Variants in C1QTNF3 observed in about 807,000 individuals in gnomAD.
C1QTNF3 encodes the protein complement C1q tumor necrosis factor-related protein 3.
In C1QTNF3, 26 loss-of-function variants were observed where a neutral mutation model predicts 32.6. The ratio of observed to expected loss-of-function variants is 0.80; its 90% CI spans 0.58 to 1.11. The LOEUF is 1.11. Among genes scored for constraint, C1QTNF3 ranks in the 50% least tolerant of loss-of-function variants. C1QTNF3 has a pLI of 0.00. For synonymous variants in C1QTNF3, 155 were observed against 146.0 expected, an observed-to-expected ratio of 1.06 and a Z score of -0.44; for missense variants, 362 against 398.2, an observed-to-expected ratio of 0.91 and a Z score of 0.77.
At chr5:34,169,041 T>C in the C1QTNF3 span, 1 of 152,122 alleles carries the variant, frequency 6.6e-6, no homozygotes, top group Non-Finnish European at 1.5e-5. Flanking sequence ...GGTTCCTTCC[T>C]TCATGAGAAG....
chr5:34,238,447 T>C, the C1QTNF3 span, among the ~76,000 whole-genome samples: 1 of 152,138 alleles, frequency 6.6e-6, no homozygotes, highest in African/African-American at 2.4e-5. Flanking sequence ...CCACACTGAA[T>C]TTCTAGAGCA....
the C1QTNF3 span, among the ~76,000 whole-genome samples, chr5:34,202,127 G>T: frequency 2.0e-5 from 3 of 152,122 alleles, no homozygotes; most frequent in African/African-American, 2.4e-5. Flanking sequence ...GGTCTAAGCT[G>T]CATTCATAAA....
the C1QTNF3 span, among the ~76,000 whole-genome samples, chr5:34,121,932 C>G: frequency 2.6e-5 from 4 of 152,170 alleles, no homozygotes; most frequent in Non-Finnish European, 5.9e-5. Flanking sequence ...GTTTATGAAC[C>G]AGCAAGTAGG....
chr5:34,191,796 A>G, the C1QTNF3 span: 28 of 707,338 alleles, frequency 4.0e-5, no homozygotes, highest in Middle Eastern at 3.0e-4. Flanking sequence ...CTGGGAAGAA[A>G]CACAGACCAC....
At chr5:34,059,335 C>T in the C1QTNF3 span, among the ~76,000 whole-genome samples, 1 of 152,132 alleles carries the variant, frequency 6.6e-6, no homozygotes, top group Non-Finnish European at 1.5e-5. Context: ...GATTATGGCC[C>T]ACCCTAACAG....
At chr5:34,156,656 T>G in the C1QTNF3 span, among the ~76,000 whole-genome samples, 7 of 152,182 alleles carry the variant, frequency 4.6e-5, no homozygotes, top group Admixed American at 6.5e-5. Flanking sequence ...AATATACATT[T>G]AAGACATATG....
the C1QTNF3 span, among the ~76,000 whole-genome samples, chr5:34,172,099 T>C: frequency 1.3e-5 from 2 of 152,184 alleles, no homozygotes; most frequent in East Asian, 1.9e-4. Flanking sequence ...ACTTAGGAAA[T>C]AGAGTAATCC....
the C1QTNF3 span, among the ~76,000 whole-genome samples, chr5:34,173,174 T>TA: frequency 6.6e-6 from 1 of 152,142 alleles, no homozygotes; most frequent in Non-Finnish European, 1.5e-5. Flanking sequence ...ACTCTTATGA[T>TA]AAAAAATATA....
the C1QTNF3 span, among the ~76,000 whole-genome samples, chr5:34,147,777 G>A: frequency 6.6e-6 from 1 of 152,140 alleles, no homozygotes; most frequent in African/African-American, 2.4e-5. Context: ...CAACAGATTC[G>A]TGTAACAGAC....
At chr5:34,166,699 TATG>T in the C1QTNF3 span, 8 of 152,192 alleles carry the variant, frequency 5.3e-5, no homozygotes, top group African/African-American at 1.7e-4. Flanking sequence ...TTCCATCTAC[TATG>T]ATTTTTCCAT....
At chr5:34,179,430 C>A in the C1QTNF3 span, among the ~76,000 whole-genome samples, 1 of 152,238 alleles carries the variant, frequency 6.6e-6, no homozygotes, top group African/African-American at 2.4e-5. Context: ...TGCAGTGAGC[C>A]GAAATCACGC....
the C1QTNF3 span, among the ~76,000 whole-genome samples, chr5:34,067,816 T>C: frequency 3.3e-5 from 5 of 152,220 alleles, no homozygotes; most frequent in African/African-American, 1.2e-4. Context: ...GGGAGCTAAA[T>C]ACATTAAACT....
the C1QTNF3 span, among the ~76,000 whole-genome samples, chr5:34,214,854 T>G: frequency 6.6e-6 from 1 of 152,188 alleles, no homozygotes; most frequent in African/African-American, 2.4e-5. Context: ...TACTGATAGC[T>G]GACAAGTATT....
At chr5:34,195,748 G>A in the C1QTNF3 span, among the ~76,000 whole-genome samples, 4 of 152,158 alleles carry the variant, frequency 2.6e-5, no homozygotes, top group Non-Finnish European at 4.4e-5. Context: ...GCTGACGCAG[G>A]AGAATGGCGT....
the C1QTNF3 span, among the ~76,000 whole-genome samples, chr5:34,211,152 A>T: frequency 8.6e-5 from 13 of 151,670 alleles, no homozygotes; most frequent in Admixed American, 5.9e-4. Context: ...TATGTACACA[A>T]AAATTTTCAG....
chr5:34,231,947 A>C, the C1QTNF3 span, among the ~76,000 whole-genome samples: 2 of 140,076 alleles, frequency 1.4e-5, no homozygotes, highest in African/African-American at 5.4e-5. Flanking sequence ...TGCCTGGAAA[A>C]GTCACAGGCA....
At chr5:34,095,688 T>C in the C1QTNF3 span, among the ~76,000 whole-genome samples, 1 of 151,844 alleles carries the variant, frequency 6.6e-6, no homozygotes, top group African/African-American at 2.4e-5. Flanking sequence ...CTTGAATGAC[T>C]GAATAAACTG....
chr5:34,070,705 T>C, the C1QTNF3 span, among the ~76,000 whole-genome samples: 1 of 151,944 alleles, frequency 6.6e-6, no homozygotes, highest in South Asian at 2.1e-4. Flanking sequence ...TGAGGTTACT[T>C]GTTAAGTGAT....
the C1QTNF3 span, among the ~76,000 whole-genome samples, chr5:34,145,506 A>T: frequency 6.6e-6 from 1 of 151,806 alleles, no homozygotes; most frequent in Non-Finnish European, 1.5e-5. Flanking sequence ...AAAACCTACC[A>T]ACCAAAAAAA....
Sources: allele counts gnomAD v4.1 joint callset (sites outside exome capture counted in the v4.1 genomes callset), GRCh38; gene constraint gnomAD v4.1.1; transcripts MANE v1.5; gene names NCBI Gene and HGNC (gene_info 2026-07-23, HGNC 2026-07-21).